HEG1: variants seen among roughly 807,000 people sequenced by gnomAD.
HEG1 encodes heart development protein with EGF like domains 1.
A neutral mutation model predicts 125.6 loss-of-function variants in HEG1; 56 were observed. That is an observed-to-expected ratio of 0.45 (90% CI 0.36 to 0.56). HEG1 has a LOEUF of 0.56. Ranked by LOEUF, HEG1 falls within the 20% of genes least tolerant of loss-of-function variation. The probability of loss-of-function intolerance (pLI) is 0.00; values close to 1 mark genes in which losing one functional copy is unlikely to be tolerated. For missense variants in HEG1, 1,523 were observed against 1,670.0 expected, an observed-to-expected ratio of 0.91 and a Z score of 1.53; for synonymous variants, 644 against 668.5, an observed-to-expected ratio of 0.96 and a Z score of 0.57.
Position 125,009,914 on chromosome 3 carries a change from T to C in HEG1, c.3074-90A>G, listed in dbSNP as rs2107699394. ...TAGTAAGTACTTACTAAGGGCCAAA[T>C]GGTGCTAGGTGTGGTGAGACCCCAA... is the stretch of plus-strand genomic sequence containing the variant. On this transcript the variant is annotated intron_variant, in intron 7 of 16. Transcript: ENST00000311127. 7 of 1,337,396 alleles carry C rather than the reference T, an allele frequency of 5.2e-6. No individual in the cohort carries two copies. In the South Asian group the frequency reaches 1.1e-4, roughly 21 times the overall value. The allele number at this position is 1,337,396 out of a possible 1,614,324, so 82.8% of individuals were successfully genotyped here.
At position 125,019,279 on chromosome 3, in the gene HEG1, G is replaced by C; in HGVS notation, c.1571C>G (p.Pro524Arg). Residue 524 changes from proline (P) to arginine (R), a missense_variant, in exon 5 of 17, where the codon CCA (proline) becomes CGA (arginine). Transcript: ENST00000311127. ...SSSESLNSSAPRGERSIAGIS... is the reference protein window; with the variant it reads ...SSSESLNSSARRGERSIAGIS... The stretch of plus-strand genomic sequence containing the variant: ...AAACTCACTCGAACGTTCTCCACGT[G>C]GTGCTGATGAATTCAAGCTTTCCGA... 6.2e-7 allele frequency: 1 copy of C among 1,609,524 alleles called. No homozygotes were observed. The highest frequency in any genetic ancestry group is 1.7e-4 in the Middle Eastern group (1 of 6,054).
rs1486899094 is a variant in HEG1 at position 124,969,333 on chromosome 3, C to T, written c.*1319G>A. 1.3e-5 allele frequency: 2 copies of T among 152,156 alleles called. No homozygotes were observed. The highest frequency in any genetic ancestry group is 2.4e-5 in the African/African-American group (1 of 41,436). The allele number at this position is 152,156 out of a possible 1,614,324, so 9.4% of individuals were successfully genotyped here. A position where few individuals can be genotyped will look rare whatever the true frequency, so the allele number is the denominator to read the frequency against. On this transcript the variant is annotated 3_prime_UTR_variant, in exon 17 of 17. Transcript: ENST00000311127. ...AATAAGATGAGTGGAACTTCCTTCC[C>T]GAAGGTCAACCCTCAGTTCCTCGAC...
intron 14 of HEG1, among the ~76,000 whole-genome samples, chr3:124,982,679 T>C (rs1936674512): frequency 6.6e-6 from 1 of 152,230 alleles, no homozygotes; most frequent in Non-Finnish European, 1.5e-5. Flanking sequence ...TTTATGTTTA[T>C]ATGCTTATTT....
intron 1 of HEG1, among the ~76,000 whole-genome samples, chr3:125,030,693 C>G (rs1477141966): frequency 6.6e-6 from 1 of 152,140 alleles, no homozygotes; most frequent in African/African-American, 2.4e-5. Flanking sequence ...TTCATTCAAG[C>G]ATTGCACAAA....
chr3:124,984,844 A>G (rs1936712957), intron 14 of HEG1, among the ~76,000 whole-genome samples: 1 of 152,184 alleles, frequency 6.6e-6, no homozygotes, highest in African/African-American at 2.4e-5. Flanking sequence ...TGACAGGAAT[A>G]TTTTAAAAAG....
chr3:125,016,618 T>A (rs941208355), intron 5 of HEG1, among the ~76,000 whole-genome samples: 2 of 152,134 alleles, frequency 1.3e-5, no homozygotes, highest in Non-Finnish European at 2.9e-5. Flanking sequence ...AGCATAAATA[T>A]CCCCCGCTTG....
chr3:125,047,511 G>C (rs967694688), intron 1 of HEG1, among the ~76,000 whole-genome samples: 7 of 152,168 alleles, frequency 4.6e-5, no homozygotes, highest in Admixed American at 3.9e-4. Flanking sequence ...ACTGTCTGAC[G>C]CTTCCAAGCC....
At chr3:125,035,521 T>A (rs549007257) in intron 1 of HEG1, among the ~76,000 whole-genome samples, 3 of 152,294 alleles carry the variant, frequency 2.0e-5, no homozygotes, top group Non-Finnish European at 4.4e-5. Flanking sequence ...TTCAACGTGC[T>A]GAGAGAGAAA....
rs74740363 is a variant in HEG1 at position 125,050,766 on chromosome 3, G to C, written c.316+4809C>G. 6.5e-3 allele frequency among the ~76,000 whole-genome samples: 983 copies of C among 152,306 alleles called. 16 individuals are homozygous for C. The highest frequency in any genetic ancestry group is 9.2e-3 in the Non-Finnish European group (624 of 68,024). ...TCACACGGCTCTTCCACATAGCAAG[G>C]CTTCTGTAAATATATCTTGATTTAC... is the stretch of plus-strand genomic sequence containing the variant. On this transcript the variant is annotated intron_variant, in intron 1 of 16. Coordinates refer to ENST00000311127, the MANE Select transcript of HEG1 (RefSeq NM_020733.2).
intron 4 of HEG1, 32 bp downstream of exon 4, chr3:125,020,760 C>T: frequency 6.4e-7 from 1 of 1,556,544 alleles, no homozygotes; most frequent in Non-Finnish European, 8.8e-7. Flanking sequence ...TACAAATGTC[C>T]CTAATAGATC....
chr3:125,047,180 T>C (rs777759367), intron 1 of HEG1, among the ~76,000 whole-genome samples: 1 of 152,212 alleles, frequency 6.6e-6, no homozygotes, highest in African/African-American at 2.4e-5. Context: ...AACATGGACT[T>C]GAACCCTAGG....
In HEG1 at chr3:124,968,144, T is replaced by C. The variant is rs1420527516; in HGVS notation, c.*2508A>G. On this transcript the variant is annotated 3_prime_UTR_variant, in exon 17 of 17. Transcript: ENST00000311127. ...GTGCAGGGGCTGACATGGAGCACTGTGTCTGGGCGGAGAGCCTCGGCGTGC... is the reference window on the plus strand; with the variant it reads ...GTGCAGGGGCTGACATGGAGCACTGCGTCTGGGCGGAGAGCCTCGGCGTGC... The C allele has an allele frequency of 6.6e-6, 1 of 152,498 alleles. No homozygotes were observed. The highest frequency in any genetic ancestry group is 1.9e-4 in the East Asian group (1 of 5,196). The allele number at this position is 152,498 out of a possible 1,614,324, so 9.4% of individuals were successfully genotyped here.
Position 124,997,691 on chromosome 3 carries a change from C to T in HEG1, c.3650G>A (p.Arg1217Gln), listed in dbSNP as rs747915776. The change falls in exon 12 of 17, where the codon CGA becomes CAA. Residue 1217 changes from arginine (R) to glutamine (Q), a missense_variant and splice_region_variant. Arg to Gln is a conservative substitution (Grantham distance 43, BLOSUM62 1). Transcript: ENST00000311127. Reference sequence around the variant, plus strand: ...ACCCCAGGCGAAGCTGTGGCTACCTCGGCAGGAGTGGTCCATCTTGTTGAA... The same window carrying T: ...ACCCCAGGCGAAGCTGTGGCTACCTTGGCAGGAGTGGTCCATCTTGTTGAA... ...FQFNKMDHSC[R>Q]ACEDGYRLEN... 1.0e-5 allele frequency: 16 copies of T among 1,574,558 alleles called. No homozygotes were observed. The highest frequency in any genetic ancestry group is 2.3e-5 in the East Asian group (1 of 43,726).
intron 2 of HEG1, among the ~76,000 whole-genome samples, chr3:125,028,880 C>G (rs1251462483): frequency 1.3e-5 from 2 of 152,196 alleles, no homozygotes. Flanking sequence ...CCAAGCCTGT[C>G]GCAGCTATGC....
At chr3:125,036,327 A>G (rs919873284) in intron 1 of HEG1, among the ~76,000 whole-genome samples, 5 of 149,422 alleles carry the variant, frequency 3.3e-5, no homozygotes, top group African/African-American at 1.0e-4. Context: ...ACCAAAATTA[A>G]AAAAAAAATC....
intron 3 of HEG1, 34 bp from the exon 4 acceptor site, chr3:125,021,164 C>G: frequency 6.8e-7 from 1 of 1,480,436 alleles, no homozygotes; most frequent in Middle Eastern, 1.8e-4. Flanking sequence ...CAAAATTACT[C>G]AGGAGTTTAA....
intron 9 of HEG1, 134 bp from the exon 10 acceptor site, chr3:125,002,449 G>T (rs1937015563): frequency 2.8e-6 from 2 of 703,038 alleles, no homozygotes; most frequent in Admixed American, 5.5e-5. Flanking sequence ...TTGCACAGAA[G>T]TGGTGTCCTT....
chr3:125,022,929 C>G (rs541085678), intron 3 of HEG1, among the ~76,000 whole-genome samples: 1 of 152,322 alleles, frequency 6.6e-6, no homozygotes, highest in Admixed American at 6.5e-5. Context: ...TGCAGTGGCT[C>G]ATGCCTGTAA....
intron 14 of HEG1, among the ~76,000 whole-genome samples, chr3:124,984,783 AC>A (rs1344844231): frequency 1.7e-4 from 26 of 152,216 alleles, no homozygotes; most frequent in Non-Finnish European, 3.2e-4. Flanking sequence ...AAACAAAAAA[AC>A]AACCAAAAAA....
Sources: gnomAD v4.1 joint callset for allele counts (sites outside exome capture counted in the v4.1 genomes callset) on GRCh38, gnomAD v4.1.1 for gene constraint, MANE v1.5 for transcripts, NCBI Gene and HGNC (gene_info 2026-07-23, HGNC 2026-07-21) for gene names.